TNIP1: variants seen among roughly 807,000 people sequenced by gnomAD.
TNIP1 encodes the protein TNFAIP3 interacting protein 1, also known as TNFAIP3-interacting protein 1.
In TNIP1, 22 loss-of-function variants were observed where a neutral mutation model predicts 86.6. The observed-to-expected ratio is 0.25, with a 90% CI of 0.18 to 0.36. The LOEUF (loss-of-function observed/expected upper bound fraction) is 0.36, where lower values mean the gene tolerates loss of function less well. Among genes scored for constraint, TNIP1 ranks in the 10% least tolerant of loss-of-function variants. The probability of loss-of-function intolerance (pLI) is 1.00; values close to 1 mark genes in which losing one functional copy is unlikely to be tolerated. For missense variants in TNIP1, 709 were observed against 820.6 expected (o/e 0.86, Z 1.66); for synonymous variants, 294 against 313.0 (o/e 0.94, Z 0.64).
At position 151,042,675 on chromosome 5, in the gene TNIP1, G is replaced by C. The variant is rs745976909; in HGVS notation, c.1003-4C>G. ...GCTTCTGACGCAGCTCAGTGATCTG[G>C]GTTCAGAGGCAGAGAGGAGTGTGTG... On this transcript the variant is annotated splice_polypyrimidine_tract_variant and splice_region_variant and intron_variant, in intron 10 of 17. Coordinates refer to ENST00000521591, the MANE Select transcript of TNIP1 (RefSeq NM_006058.5). 1.2e-6 allele frequency: 2 copies of C among 1,613,788 alleles called. No homozygotes were observed. The highest frequency in any genetic ancestry group is 1.7e-6 in the Non-Finnish European group (2 of 1,180,016).
At position 151,038,447 on chromosome 5, in the gene TNIP1, C is replaced by G. The variant is rs545087449; in HGVS notation, c.1263+650G>C. ...TCCCACCAGGGCTCGGATGGCAAAACTGAACTGGAGAGGCTGGAGAGGCTA... is the reference window on the plus strand; with the variant it reads ...TCCCACCAGGGCTCGGATGGCAAAAGTGAACTGGAGAGGCTGGAGAGGCTA... On this transcript the variant is annotated intron_variant, in intron 12 of 17. Coordinates refer to ENST00000521591, the MANE Select transcript of TNIP1 (RefSeq NM_006058.5). Among the ~76,000 whole-genome samples the G allele has an allele frequency of 1.8e-4, 27 of 152,280 alleles. No homozygotes were observed. In the South Asian group the frequency reaches 3.7e-3, roughly 21 times the overall value.
intron 6 of TNIP1, 116 bp downstream of exon 6, chr5:151,056,645 CCCACA>C: frequency 2.0e-6 from 2 of 990,124 alleles, no homozygotes; most frequent in Non-Finnish European, 2.7e-6. Flanking sequence ...CCGAAGTCTG[CCCACA>C]ACACAGCCTT....
rs1758079980 is a variant in TNIP1 at position 151,039,128 on chromosome 5, T to C, written c.1232A>G (p.Tyr411Cys). ...QLSPLTRQRE[Y>C]QEKEIQRLNK... ...GAGCCGCTGGATCTCCTTTTCCTGG[T>C]ACTCACGCTGTCGGGTGAGTGGGCT... Residue 411 changes from tyrosine to cysteine, a missense_variant, in exon 12 of 18, where the codon TAC becomes TGC. Coordinates refer to ENST00000521591, the MANE Select transcript of TNIP1 (RefSeq NM_006058.5). 6.2e-7 allele frequency: 1 copy of C among 1,613,966 alleles called. No homozygotes were observed.
intron 1 of TNIP1, among the ~76,000 whole-genome samples, chr5:151,067,734 T>C (rs1762397731): frequency 6.6e-6 from 1 of 152,132 alleles, no homozygotes; most frequent in African/African-American, 2.4e-5. Context: ...CGGTAAACCT[T>C]GAATTCAGAG....
chr5:151,062,048 T>A, intron 4 of TNIP1, 79 bp downstream of exon 4: 1 of 1,336,736 alleles, frequency 7.5e-7, no homozygotes, highest in Non-Finnish European at 1.1e-6. Flanking sequence ...CAACCCTCTT[T>A]CTTCATGTTC....
intron 5 of TNIP1, among the ~76,000 whole-genome samples, chr5:151,058,066 G>A (rs1334478313): frequency 6.6e-6 from 1 of 152,164 alleles, no homozygotes. Context: ...GATTACAGGT[G>A]TGCACCACTA....
At chr5:151,067,885 C>G (rs1762417698) in intron 1 of TNIP1, among the ~76,000 whole-genome samples, 1 of 152,156 alleles carries the variant, frequency 6.6e-6, no homozygotes, top group African/African-American at 2.4e-5. Context: ...CCAGGCTGGG[C>G]CAGCCATGCT....
intron 1 of TNIP1, 90 bp from the exon 2 acceptor site, chr5:151,065,221 G>T: frequency 8.7e-7 from 1 of 1,149,698 alleles, no homozygotes; most frequent in Non-Finnish European, 1.2e-6. Flanking sequence ...TGCCCCAGAA[G>T]GCAGTCCCCC....
chr5:151,087,387 G>T (rs2113874208), upstream of TNIP1, among the ~76,000 whole-genome samples: 1 of 152,310 alleles, frequency 6.6e-6, no homozygotes, highest in South Asian at 2.1e-4. Flanking sequence ...GATCTGGGGA[G>T]AAGAGTTGGA....
At chr5:151,038,935 C>A (rs895202743) in intron 12 of TNIP1, among the ~76,000 whole-genome samples, 162 bp downstream of exon 12, 1 of 152,064 alleles carries the variant, frequency 6.6e-6, no homozygotes, top group Non-Finnish European at 1.5e-5. Context: ...GAGTCACTCC[C>A]AGTGTGGGAG....
At chr5:151,057,085 GA>G (rs1188436095) in intron 5 of TNIP1, 128 bp from the exon 6 acceptor site, 1 of 1,027,012 alleles carries the variant, frequency 9.7e-7, no homozygotes, top group Admixed American at 4.1e-5. Context: ...TCAGCCCCGG[GA>G]AATTCTCCAG....
chr5:151,071,510 C>T (rs1762825424), intron 1 of TNIP1, among the ~76,000 whole-genome samples: 1 of 152,090 alleles, frequency 6.6e-6, no homozygotes, highest in African/African-American at 2.4e-5. Context: ...AATTTATTAG[C>T]ACTACTTTCT....
intron 8 of TNIP1, among the ~76,000 whole-genome samples, chr5:151,047,907 G>C (rs1457852574): frequency 1.3e-5 from 2 of 151,924 alleles, no homozygotes; most frequent in Admixed American, 6.6e-5. Flanking sequence ...CCATCATCCT[G>C]GAGTCAGATT....
chr5:151,069,344 A>T (rs1478581669), intron 1 of TNIP1, among the ~76,000 whole-genome samples: 1 of 152,220 alleles, frequency 6.6e-6, no homozygotes, highest in Non-Finnish European at 1.5e-5. Context: ...GACCCCCCAA[A>T]TGATATTCAC....
intron 9 of TNIP1, among the ~76,000 whole-genome samples, chr5:151,044,893 T>G (rs529751093): frequency 5.3e-5 from 8 of 152,310 alleles, no homozygotes; most frequent in Non-Finnish European, 4.4e-5. Context: ...TCTTACGAAC[T>G]GGCTCCTGCA....
At chr5:151,080,674 G>GC (rs1445380670) in intron 1 of TNIP1, among the ~76,000 whole-genome samples, 1 of 152,130 alleles carries the variant, frequency 6.6e-6, no homozygotes, top group Non-Finnish European at 1.5e-5. Context: ...GCGCACGCGC[G>GC]CCCCCCACCA....
rs530434872 is a variant in TNIP1, at chr5:151,039,529, CTT to C, written c.1135-306_1135-305del. 1.5e-3 allele frequency among the ~76,000 whole-genome samples: 231 copies of C among 152,320 alleles called. 1 individual carries two copies. Among genetic ancestry groups the C allele is most frequent in the African/African-American group, 5.2e-3 (216 of 41,568 alleles). On this transcript the variant is annotated intron_variant, in intron 11 of 17. Coordinates refer to ENST00000521591, the MANE Select transcript of TNIP1 (RefSeq NM_006058.5). ...ACCCCTGGCACTGCCACAGCCCTCT[CTT>C]GTCTAAGCTTACCTACCTGTCACAG...
chr5:151,060,475 A>G (rs944544074), intron 4 of TNIP1, 80 bp from the exon 5 acceptor site: 6 of 1,263,330 alleles, frequency 4.7e-6, no homozygotes, highest in Non-Finnish European at 6.9e-6. Context: ...TGAGAGCAGC[A>G]AGGGGGACAA....
At chr5:151,042,467 C>CTTGT in intron 11 of TNIP1, 73 bp downstream of exon 11, 1 of 1,564,688 alleles carries the variant, frequency 6.4e-7, no homozygotes, top group Non-Finnish European at 8.7e-7. Context: ...CTGCCCCTGG[C>CTTGT]TTGTTTGCTC....
Sources: allele counts gnomAD v4.1 joint callset (sites outside exome capture counted in the v4.1 genomes callset), GRCh38; gene constraint gnomAD v4.1.1; transcripts MANE v1.5; gene names NCBI Gene and HGNC (gene_info 2026-07-23, HGNC 2026-07-21).